The following KIF27 variants were observed in gnomAD, a reference collection of about 807,000 sequenced individuals.
The protein encoded by KIF27 is kinesin family member 27.
In KIF27, 84 loss-of-function variants were observed where a neutral mutation model predicts 141.8. The observed-to-expected ratio is 0.59, with a 90% confidence interval of 0.50 to 0.71. The LOEUF (loss-of-function observed/expected upper bound fraction) is 0.71, where lower values mean the gene tolerates loss of function less well. Ranked by LOEUF, KIF27 falls within the 30% of genes least tolerant of loss-of-function variation. KIF27 has a pLI of 0.00. For missense variants in KIF27, 1,306 were observed against 1,628.4 expected (o/e 0.80, Z 3.41); for synonymous variants, 471 against 569.5 (o/e 0.83, Z 2.46).
chr9:83,853,519 T>C (rs1301717663), intron 15 of KIF27, 110 bp downstream of exon 15: 164 of 697,956 alleles, frequency 2.3e-4, no homozygotes, highest in Non-Finnish European at 1.3e-4. Context: ...TGTAGTTACA[T>C]CATCAAATCT....
chr9:83,908,261 CAA>C (rs769794962), intron 3 of KIF27, among the ~76,000 whole-genome samples, 189 bp downstream of exon 3: 50 of 74,280 alleles, frequency 6.7e-4, no homozygotes, highest in African/African-American at 2.0e-3. Flanking sequence ...AACTCCATCT[CAA>C]AAAAAAAAAA....
chr9:83,907,842 C>G (rs1374692890), intron 3 of KIF27, among the ~76,000 whole-genome samples: 1 of 152,176 alleles, frequency 6.6e-6, no homozygotes, highest in East Asian at 1.9e-4. Context: ...CAAATTTAGC[C>G]TATATCACAG....
At chr9:83,843,043 C>T (rs1946776671) in intron 16 of KIF27, among the ~76,000 whole-genome samples, 1 of 151,708 alleles carries the variant, frequency 6.6e-6, no homozygotes, top group South Asian at 2.1e-4. Context: ...AAGTTTGGAA[C>T]TCTGTTCATT....
At chr9:83,851,275 T>G (rs1035056688) in intron 15 of KIF27, among the ~76,000 whole-genome samples, 33 of 152,334 alleles carry the variant, frequency 2.2e-4, no homozygotes, top group African/African-American at 7.7e-4. Context: ...GCAAAGATTC[T>G]TGAAACATCT....
intron 5 of KIF27, among the ~76,000 whole-genome samples, chr9:83,896,844 G>T (rs1273960035): frequency 4.6e-5 from 7 of 152,186 alleles, no homozygotes; most frequent in African/African-American, 1.7e-4. Context: ...TATGATTCCA[G>T]TTGTATGAAA....
At chr9:83,838,443 C>T (rs941244038) in intron 17 of KIF27, among the ~76,000 whole-genome samples, 18 of 152,140 alleles carry the variant, frequency 1.2e-4, no homozygotes, top group East Asian at 3.9e-4. Flanking sequence ...CCGTGTTAGC[C>T]AGGATGGTCT....
intron 1 of KIF27, among the ~76,000 whole-genome samples, chr9:83,919,787 C>A (rs1588362556): frequency 6.6e-6 from 1 of 151,646 alleles, no homozygotes; most frequent in South Asian, 2.1e-4. Context: ...CCCAGCTACT[C>A]AGAAGGCTGA....
At chr9:83,907,244 C>G (rs550364704) in intron 3 of KIF27, among the ~76,000 whole-genome samples, 1 of 149,094 alleles carries the variant, frequency 6.7e-6, no homozygotes, top group African/African-American at 2.5e-5. Flanking sequence ...GAGCCCAGAT[C>G]GCGCCACTGC....
chr9:83,916,938 C>T (rs140950186), intron 1 of KIF27, among the ~76,000 whole-genome samples: 2,957 of 152,158 alleles, frequency 0.019, 50 homozygotes, highest in Middle Eastern at 0.048. Flanking sequence ...GCTGGGATTA[C>T]AGGCGTGAGC....
intron 11 of KIF27, among the ~76,000 whole-genome samples, chr9:83,874,996 T>C (rs2132111674): frequency 6.8e-6 from 1 of 146,456 alleles, no homozygotes; most frequent in South Asian, 2.2e-4. Context: ...ACAAGCAGAG[T>C]TGCATTTCAG....
At chr9:83,842,483 G>A (rs1315174062) in intron 16 of KIF27, 82 bp from the exon 17 acceptor site, 7 of 1,418,576 alleles carry the variant, frequency 4.9e-6, no homozygotes, top group African/African-American at 1.5e-5. Context: ...TTTTTTTTGA[G>A]ACGGAGTCTC....
rs900853365 is a variant in KIF27, at chr9:83,837,880, A to C, written c.3722-395T>G. 4.7e-5 allele frequency: 8 copies of C among 169,274 alleles called. No homozygotes were observed. The South Asian group carries it at 6.1e-4, about 13-fold the overall frequency. The allele number at this position is 169,274 out of a possible 1,614,324, so 10.5% of individuals were successfully genotyped here. A position where few individuals can be genotyped will look rare whatever the true frequency, so the allele number is the denominator to read the frequency against. On this transcript the variant is annotated intron_variant, in intron 17 of 17. Transcript: ENST00000297814. ...CACTGGATAATATTGGCTCTGCCCC[A>C]TATCTCGAGGGAAAACTCTAGGACT...
chr9:83,895,068 A>G (rs189843454), intron 5 of KIF27, among the ~76,000 whole-genome samples: 42 of 151,030 alleles, frequency 2.8e-4, no homozygotes, highest in African/African-American at 9.7e-4. Context: ...TGGCTAACAC[A>G]GTGAAACCCC....
Position 83,891,281 on chromosome 9 carries a change from T to C in KIF27, c.1809+14A>G. 1 of 1,605,406 alleles carries C rather than the reference T, an allele frequency of 6.2e-7. No individual in the cohort carries two copies. The highest frequency in any genetic ancestry group is 8.5e-7 in the Non-Finnish European group (1 of 1,174,394). ...TTTAATCTCCAAATAAGGAAAAGAT[T>C]GTTTGGACTTTACCTTCCTGGAATC... On this transcript the variant is annotated intron_variant, in intron 6 of 17. Coordinates refer to ENST00000297814, the MANE Select transcript of KIF27 (RefSeq NM_017576.4).
At position 83,887,739 on chromosome 9, in the gene KIF27, G is replaced by A. The variant is rs2780172; in HGVS notation, c.2084-543C>T. ...AGTGTAAGCTCATTTACATTCCGAC[G>A]TAAGTTTTTTTCCTGGTTGCAGAGC... is the stretch of plus-strand genomic sequence containing the variant. On this transcript the variant is annotated intron_variant, in intron 8 of 17. Transcript: ENST00000297814. Among the ~76,000 whole-genome samples the A allele has an allele frequency of 2.3e-4, 35 of 151,952 alleles. No individual in the cohort carries two copies. The East Asian group carries it at 2.4e-3, about 10-fold the overall frequency.
chr9:83,879,598 T>C (rs367700889), intron 11 of KIF27, among the ~76,000 whole-genome samples: 2 of 152,140 alleles, frequency 1.3e-5, no homozygotes, highest in African/African-American at 2.4e-5. Flanking sequence ...ACTAGATAAG[T>C]GTCTGTTATT....
intron 9 of KIF27, 138 bp from the exon 10 acceptor site, chr9:83,884,156 C>T: frequency 1.8e-6 from 1 of 550,894 alleles, no homozygotes; most frequent in Non-Finnish European, 3.1e-6. Context: ...CCCAGTTGTC[C>T]CCACCCACCC....
chr9:83,921,024 C>A (rs1363549308), intron 1 of KIF27, among the ~76,000 whole-genome samples: 1 of 152,170 alleles, frequency 6.6e-6, no homozygotes, highest in East Asian at 1.9e-4. Context: ...ACACAGGGTG[C>A]GCTCTGAAAG....
At position 83,834,369 on chromosome 9, in the gene KIF27, A is replaced by C. The variant is rs1313275815; in HGVS notation, c.*2632T>G. Among the ~76,000 whole-genome samples the C allele has an allele frequency of 2.0e-5, 3 of 152,144 alleles. No homozygotes were observed. The highest frequency in any genetic ancestry group is 2.4e-5 in the African/African-American group (1 of 41,448). On this transcript the variant is annotated 3_prime_UTR_variant, in exon 18 of 18. Coordinates refer to ENST00000297814, the MANE Select transcript of KIF27 (RefSeq NM_017576.4). Reference sequence around the variant, plus strand: ...GGTTCATTTCCAGAATATATTATTCACGACGTTATTTATATGTGTGTTTGC... The same window carrying C: ...GGTTCATTTCCAGAATATATTATTCCCGACGTTATTTATATGTGTGTTTGC...
Sources: gnomAD v4.1 joint callset for allele counts (sites outside exome capture counted in the v4.1 genomes callset) on GRCh38, gnomAD v4.1.1 for gene constraint, MANE v1.5 for transcripts, NCBI Gene and HGNC (gene_info 2026-07-23, HGNC 2026-07-21) for gene names.